The following STK3 variants were observed in gnomAD, a reference collection of about 807,000 sequenced individuals.
STK3 encodes serine/threonine-protein kinase 3.
Under a neutral mutation model 58.0 loss-of-function variants are expected in STK3, and 41 were observed. That is an observed-to-expected ratio of 0.71 (90% CI 0.55 to 0.92). STK3 has a LOEUF of 0.92. Ranked by LOEUF, STK3 falls within the 40% of genes least tolerant of loss-of-function variation. The pLI, the probability that STK3 is intolerant of heterozygous loss-of-function variation, is 0.00. For missense variants in STK3, 479 were observed against 602.7 expected (o/e 0.79, Z 2.15); for synonymous variants, 170 against 191.0 (o/e 0.89, Z 0.91).
intron 8 of STK3, among the ~76,000 whole-genome samples, chr8:98,550,073 A>G (rs1051606987): frequency 1.3e-5 from 2 of 150,778 alleles, no homozygotes; most frequent in African/African-American, 5.0e-5. Flanking sequence ...AAATTCATTT[A>G]TATTTATTCC....
At chr8:98,805,754 G>C (rs1833853800) in intron 1 of STK3, among the ~76,000 whole-genome samples, 1 of 152,112 alleles carries the variant, frequency 6.6e-6, no homozygotes, top group South Asian at 2.1e-4. Flanking sequence ...ACTGATTTGA[G>C]AAGGGACTAG....
downstream of STK3, among the ~76,000 whole-genome samples, chr8:98,453,927 T>C (rs535454577): frequency 1.4e-4 from 22 of 152,320 alleles, no homozygotes; most frequent in East Asian, 4.0e-3. Flanking sequence ...CTCACACAAC[T>C]GTCCCCAACA....
upstream of STK3, among the ~76,000 whole-genome samples, chr8:98,826,037 C>G (rs1050674157): frequency 1.3e-5 from 2 of 151,820 alleles, no homozygotes; most frequent in African/African-American, 2.4e-5. Flanking sequence ...CCCAGAGCCC[C>G]GTGACCGGGA....
intron 6 of STK3, among the ~76,000 whole-genome samples, chr8:98,649,010 T>C (rs933615340): frequency 5.9e-5 from 9 of 151,830 alleles, no homozygotes; most frequent in East Asian, 1.9e-4. Context: ...TGAGCCAAGA[T>C]TGTGCACTGC....
At chr8:98,902,326 G>T (rs1222607784) in intron 1 of STK3, among the ~76,000 whole-genome samples, 1 of 152,074 alleles carries the variant, frequency 6.6e-6, no homozygotes, top group Non-Finnish European at 1.5e-5. Flanking sequence ...CAATACCATG[G>T]ATACACACAT....
chr8:98,877,244 G>A (rs1162062978), intron 3 of STK3, among the ~76,000 whole-genome samples: 1 of 152,170 alleles, frequency 6.6e-6, no homozygotes, highest in African/African-American at 2.4e-5. Context: ...TATTAGGTCA[G>A]CACTTACAAT....
At chr8:98,390,582 A>C (rs1817839229), upstream of STK3, among the ~76,000 whole-genome samples, 1 of 150,916 alleles carries the variant, frequency 6.6e-6, no homozygotes, top group Admixed American at 6.6e-5. Flanking sequence ...AAATTTGATA[A>C]TTTTTCAGGC....
downstream of STK3, among the ~76,000 whole-genome samples, chr8:98,367,759 C>G (rs895194965): frequency 6.6e-6 from 1 of 152,236 alleles, no homozygotes; most frequent in Admixed American, 6.5e-5. Context: ...CGGGGCAACT[C>G]TCTGGCTAAT....
At chr8:98,833,792 A>C (rs1034293996) in intron 3 of STK3, among the ~76,000 whole-genome samples, 4 of 152,138 alleles carry the variant, frequency 2.6e-5, no homozygotes, top group Non-Finnish European at 4.4e-5. Context: ...GGGTCCATTT[A>C]GTCAGTTGAG....
chr8:98,363,372 T>C, the STK3 span, among the ~76,000 whole-genome samples: 6 of 152,034 alleles, frequency 3.9e-5, no homozygotes, highest in Non-Finnish European at 8.8e-5. Flanking sequence ...CTTCGCAGAA[T>C]AACAAGGAGA....
chr8:98,589,628 A>G (rs1431205519), intron 7 of STK3, among the ~76,000 whole-genome samples: 1 of 152,240 alleles, frequency 6.6e-6, no homozygotes, highest in Non-Finnish European at 1.5e-5. Context: ...GGCTCCACCC[A>G]GTTCGAGCTT....
At chr8:98,839,902 T>C (rs1778387845) in intron 3 of STK3, among the ~76,000 whole-genome samples, 1 of 152,140 alleles carries the variant, frequency 6.6e-6, no homozygotes, top group Non-Finnish European at 1.5e-5. Context: ...ATATAATCAG[T>C]TGTTATAAAA....
At chr8:98,569,339 TAA>T (rs1812767142) in intron 8 of STK3, among the ~76,000 whole-genome samples, 1 of 151,688 alleles carries the variant, frequency 6.6e-6, no homozygotes, top group South Asian at 2.1e-4. Flanking sequence ...GCATCAGGGA[TAA>T]AGAGATTACA....
chr8:98,867,089 T>G (rs1158984218), intron 3 of STK3, among the ~76,000 whole-genome samples: 2 of 152,120 alleles, frequency 1.3e-5, no homozygotes, highest in Non-Finnish European at 2.9e-5. Context: ...CCACAGGACA[T>G]CCTATGAAGT....
At chr8:98,712,476 T>G (rs1169801061) in intron 4 of STK3, among the ~76,000 whole-genome samples, 1 of 151,248 alleles carries the variant, frequency 6.6e-6, no homozygotes, top group Non-Finnish European at 1.5e-5. Context: ...AAGGCAGGGG[T>G]TGCAATCCTA....
chr8:98,641,942 C>T (rs1820054330), intron 6 of STK3, among the ~76,000 whole-genome samples: 1 of 152,092 alleles, frequency 6.6e-6, no homozygotes, highest in South Asian at 2.1e-4. Context: ...GCTTTACAGA[C>T]CTTCATAATT....
In STK3 at chr8:98,903,548, TTCTTCTTCC is replaced by T. The variant is rs1289995537; in HGVS notation, c.-78-19723_-78-19715del. Reference sequence around the variant, plus strand: ...CTTCTTCTTCTTCTTCTTCTTCTTCTTCTTCTTCCTTTTTTTTTTTTTAAGTGGGGCCTT... The same window carrying T: ...CTTCTTCTTCTTCTTCTTCTTCTTCTTTTTTTTTTTTTTAAGTGGGGCCTT... On this transcript the variant is annotated intron_variant, in intron 1 of 1. Transcript: ENST00000519420. Among the ~76,000 whole-genome samples, 137 of 21,538 alleles carry T rather than the reference TTCTTCTTCC, an allele frequency of 6.4e-3. 5 individuals are homozygous for T. The highest frequency in any genetic ancestry group is 0.012 in the Admixed American group (16 of 1,296). The allele number at this position is 21,538 out of a possible 152,430, so 14.1% of individuals were successfully genotyped here.
chr8:98,767,480 T>A (rs1419329970), intron 2 of STK3, 109 bp from the exon 3 acceptor site: 1 of 997,056 alleles, frequency 1.0e-6, no homozygotes, highest in African/African-American at 1.7e-5. Flanking sequence ...AAAACACTAT[T>A]TAAATGATTA....
At chr8:98,661,905 C>T (rs1821993062) in intron 6 of STK3, among the ~76,000 whole-genome samples, 1 of 152,062 alleles carries the variant, frequency 6.6e-6, no homozygotes, top group African/African-American at 2.4e-5. Context: ...CCCAATAATG[C>T]TGAGTTATAT....
Sources: allele counts gnomAD v4.1 joint callset (sites outside exome capture counted in the v4.1 genomes callset), GRCh38; gene constraint gnomAD v4.1.1; transcripts MANE v1.5; gene names NCBI Gene and HGNC (gene_info 2026-07-23, HGNC 2026-07-21).